GTF2E1: variants seen among roughly 807,000 people sequenced by gnomAD.
GTF2E1 encodes the protein TFIIE alpha subunit.
A neutral mutation model predicts 34.9 loss-of-function variants in GTF2E1; 14 were observed. That is an observed-to-expected ratio of 0.40 (90% CI 0.27 to 0.63). GTF2E1 has a LOEUF of 0.63. Among genes scored for constraint, GTF2E1 ranks in the 20% least tolerant of loss-of-function variants. The probability of loss-of-function intolerance (pLI) is 0.39; values close to 1 mark genes in which losing one functional copy is unlikely to be tolerated. For synonymous variants in GTF2E1, 188 were observed against 192.9 expected, an observed-to-expected ratio of 0.97 and a Z score of 0.21; for missense variants, 469 against 557.7, an observed-to-expected ratio of 0.84 and a Z score of 1.60.
rs201352975 is a variant in GTF2E1 at position 120,781,055 on chromosome 3, T to C, written c.905T>C (p.Met302Thr). 6.8e-6 allele frequency: 11 copies of C among 1,611,352 alleles called. No individual in the cohort carries two copies. The South Asian group carries it at 7.7e-5, about 11-fold the overall frequency. The change falls in exon 5 of 5, where the codon ATG (methionine) becomes ACG (threonine). Residue 302 changes from methionine (M) to threonine (T), a missense_variant. Coordinates refer to ENST00000283875, the MANE Select transcript of GTF2E1 (RefSeq NM_005513.3). ...SEDMKEGGIDMDAFQEREEGH... is the reference protein window; with the variant it reads ...SEDMKEGGIDTDAFQEREEGH... Reference sequence around the variant, plus strand: ...TTTTACTCCCCAGGGGGCATAGATATGGACGCATTTCAGGAGCGTGAGGAA... The same window carrying C: ...TTTTACTCCCCAGGGGGCATAGATACGGACGCATTTCAGGAGCGTGAGGAA...
intron 1 of GTF2E1, among the ~76,000 whole-genome samples, chr3:120,745,102 A>G (rs551482943): frequency 3.9e-5 from 6 of 152,212 alleles, no homozygotes; most frequent in South Asian, 2.1e-4. Flanking sequence ...GGGTCTTACT[A>G]TGTTTCCTAG....
intron 2 of GTF2E1, among the ~76,000 whole-genome samples, chr3:120,752,576 G>C (rs1257846736): frequency 6.6e-6 from 1 of 152,110 alleles, no homozygotes; most frequent in Admixed American, 6.6e-5. Flanking sequence ...TTATATATCA[G>C]TATTTGGGAG....
rs76360167 is a variant in GTF2E1 at position 120,769,810 on chromosome 3, C to T, written c.449-918C>T. Among the ~76,000 whole-genome samples, 680 of 152,238 alleles carry T rather than the reference C, an allele frequency of 4.5e-3. 7 individuals carry two copies. The highest frequency in any genetic ancestry group is 0.016 in the African/African-American group (647 of 41,534). On this transcript the variant is annotated intron_variant, in intron 2 of 4. Coordinates refer to ENST00000283875, the MANE Select transcript of GTF2E1 (RefSeq NM_005513.3). ...TAGCTGTGAAGGGCTGCATTTCTCT[C>T]TCTTTCTCACTTATTTGGGATAGAT...
intron 4 of GTF2E1, among the ~76,000 whole-genome samples, chr3:120,779,558 A>G (rs537601141): frequency 6.6e-6 from 1 of 152,246 alleles, no homozygotes; most frequent in South Asian, 2.1e-4. Context: ...TCATTTTAGG[A>G]GTTCTGTGCC....
chr3:120,762,146 T>C (rs149500353), intron 2 of GTF2E1, among the ~76,000 whole-genome samples: 102 of 152,278 alleles, frequency 6.7e-4, no homozygotes, highest in Non-Finnish European at 9.4e-4. Context: ...ATGTGGTCAA[T>C]TTTAGAATAA....
Position 120,781,669 on chromosome 3 carries a change from T to G in GTF2E1, c.*199T>G, listed in dbSNP as rs138479447. ...AGGTAGGGTGCTGAGAATCCTACCC[T>G]TCCTTGCTGTCACTACAGTATTAAT... On this transcript the variant is annotated 3_prime_UTR_variant, in exon 5 of 5. Transcript: ENST00000283875. 2.7e-3 allele frequency: 1,545 copies of G among 577,372 alleles called. 22 individuals are homozygous for G. The highest frequency in any genetic ancestry group is 0.026 in the African/African-American group (1,418 of 53,558). The allele number at this position is 577,372 out of a possible 1,614,324, so 35.8% of individuals were successfully genotyped here.
Position 120,781,552 on chromosome 3 carries a change from C to A in GTF2E1, c.*82C>A. On this transcript the variant is annotated 3_prime_UTR_variant, in exon 5 of 5. Transcript: ENST00000283875. ...TCTTTGAAGAAAAGTATTTAAGTGG[C>A]TTTCTGCCCCTCTTGATGTAAGCAA... The A allele has an allele frequency of 1.9e-6, 2 of 1,030,204 alleles. No homozygotes were observed. The highest frequency in any genetic ancestry group is 2.9e-6 in the Non-Finnish European group (2 of 690,714). 63.8% of individuals were successfully genotyped at this position (1,030,204 alleles called of 1,614,324 possible).
chr3:120,775,202 G>A (rs1709388564), intron 3 of GTF2E1, among the ~76,000 whole-genome samples: 1 of 152,166 alleles, frequency 6.6e-6, no homozygotes, highest in African/African-American at 2.4e-5. Context: ...AGGCAAAATA[G>A]TGAATGGCTT....
chr3:120,743,996 C>G (rs1292820554), intron 1 of GTF2E1, among the ~76,000 whole-genome samples: 2 of 152,058 alleles, frequency 1.3e-5, no homozygotes, highest in Non-Finnish European at 2.9e-5. Flanking sequence ...AAGGAAGAAA[C>G]AAAGGTCCTA....
Position 120,750,906 on chromosome 3 carries a change from G to C in GTF2E1, c.354G>C (p.Glu118Asp). 1 of 1,613,962 alleles carries C rather than the reference G, an allele frequency of 6.2e-7. No homozygotes were observed. The highest frequency in any genetic ancestry group is 8.5e-7 in the Non-Finnish European group (1 of 1,179,884). The change falls in exon 2 of 5, where the codon GAG becomes GAC. Residue 118 changes from glutamate (E) to aspartate (D), a missense_variant. Physicochemically the swap from Glu to Asp is conservative, Grantham distance 45. Coordinates refer to ENST00000283875, the MANE Select transcript of GTF2E1 (RefSeq NM_005513.3). ...DHMRRRIETD[E>D]RDSTNRASFK... is the part of the protein sequence containing the mutation. ...TGAGAAGAAGAATTGAGACCGATGA[G>C]AGAGATTCGACCAACCGGGCTTCCT...
At position 120,750,676 on chromosome 3, in the gene GTF2E1, T is replaced by A; in HGVS notation, c.124T>A (p.Cys42Ser). 1 of 1,614,014 alleles carries A rather than the reference T, an allele frequency of 6.2e-7. No individual in the cohort carries two copies. Among genetic ancestry groups the A allele is most frequent in the Non-Finnish European group, 8.5e-7 (1 of 1,179,894 alleles). ...CTTGGACATCTTGATCAGGAACTCC[T>A]GTGTGAAAGAGGAGGATATGCTGGA... ...LALDILIRNS[C>S]VKEEDMLELL... Residue 42 changes from cysteine to serine, a missense_variant, in exon 2 of 5, where the codon TGT becomes AGT. Coordinates refer to ENST00000283875, the MANE Select transcript of GTF2E1 (RefSeq NM_005513.3).
At chr3:120,776,802 G>A in intron 4 of GTF2E1, 138 bp downstream of exon 4, 1 of 695,996 alleles carries the variant, frequency 1.4e-6, no homozygotes, top group Non-Finnish European at 2.3e-6. Flanking sequence ...GTAAGAAATT[G>A]AACAATAAGA....
intron 1 of GTF2E1, among the ~76,000 whole-genome samples, chr3:120,745,639 A>G (rs771581860): frequency 4.6e-5 from 7 of 152,208 alleles, no homozygotes; most frequent in Non-Finnish European, 1.0e-4. Context: ...CATGGCATGT[A>G]TGGGGCAGGG....
Position 120,781,603 on chromosome 3 carries a change from T to A in GTF2E1, c.*133T>A. ...CTGTCCATCCTTGTGCAAAGATTGA[T>A]GGTAGAGAGTTTGACTTTTATGCCA... On this transcript the variant is annotated 3_prime_UTR_variant, in exon 5 of 5. Transcript: ENST00000283875. The A allele has an allele frequency of 1.4e-6, 1 of 692,106 alleles. No homozygotes were observed. The allele number at this position is 692,106 out of a possible 1,614,324, so 42.9% of individuals were successfully genotyped here.
intron 4 of GTF2E1, among the ~76,000 whole-genome samples, chr3:120,780,339 G>C (rs1455021640): frequency 6.6e-6 from 1 of 152,188 alleles, no homozygotes; most frequent in South Asian, 2.1e-4. Context: ...GTAGGGATAG[G>C]ATACATTTAA....
chr3:120,750,951 T>G lies in GTF2E1; in HGVS notation c.399T>G (p.Ser133Arg), dbSNP rs1334894631. 6.2e-7 allele frequency: 1 copy of G among 1,613,612 alleles called. No homozygotes were observed. The highest frequency in any genetic ancestry group is 8.5e-7 in the Non-Finnish European group (1 of 1,179,672). Reference protein sequence around the residue: ...NRASFKCPVCSSTFTDLEANQ... With the variant: ...NRASFKCPVCRSTFTDLEANQ... ...CTTCCTTCAAATGTCCTGTCTGTAG[T>G]AGTACTTTCACAGACTTAGAAGCTA... is the stretch of plus-strand genomic sequence containing the variant. Residue 133 changes from serine to arginine, a missense_variant, in exon 2 of 5, where the codon AGT becomes AGG. By Grantham distance (110) the Ser-to-Arg change is moderately radical. Transcript: ENST00000283875.
intron 1 of GTF2E1, among the ~76,000 whole-genome samples, chr3:120,748,088 G>A (rs1487755926): frequency 6.6e-6 from 1 of 152,028 alleles, no homozygotes; most frequent in Non-Finnish European, 1.5e-5. Context: ...CCCACTTTTT[G>A]ATGGGGTTGT....
At chr3:120,777,869 G>T (rs182495763) in intron 4 of GTF2E1, among the ~76,000 whole-genome samples, 1 of 152,134 alleles carries the variant, frequency 6.6e-6, no homozygotes, top group African/African-American at 2.4e-5. Context: ...GGAATTGGGC[G>T]CAAGCCACCA....
chr3:120,752,377 G>T (rs1305452242), intron 2 of GTF2E1, among the ~76,000 whole-genome samples: 1 of 152,152 alleles, frequency 6.6e-6, no homozygotes, highest in African/African-American at 2.4e-5. Flanking sequence ...CAGGAGCTCT[G>T]GGTTCTTGGT....
Sources: allele counts gnomAD v4.1 joint callset (sites outside exome capture counted in the v4.1 genomes callset), GRCh38; gene constraint gnomAD v4.1.1; transcripts MANE v1.5; gene names NCBI Gene and HGNC (gene_info 2026-07-23, HGNC 2026-07-21).